Variants in TNPO3 observed in about 807,000 individuals in gnomAD.
TNPO3 encodes the protein transportin 3.
In TNPO3, 65 loss-of-function variants were observed where a neutral mutation model predicts 122.8. The ratio of observed to expected loss-of-function variants is 0.53; its 90% CI spans 0.43 to 0.65. The LOEUF is 0.65. TNPO3 is among the 30% of genes least tolerant of loss of function. The pLI is 0.00. For missense variants in TNPO3, 850 were observed against 1,136.7 expected, an observed-to-expected ratio of 0.75 and a Z score of 3.63; for synonymous variants, 372 against 411.2, an observed-to-expected ratio of 0.90 and a Z score of 1.15.
Position 128,955,087 on chromosome 7 carries a change from CTTTT to C in TNPO3, c.*326_*329del, listed in dbSNP as rs969795483. 4 of 326,312 alleles carry C rather than the reference CTTTT, an allele frequency of 1.2e-5. No homozygotes were observed. The highest frequency in any genetic ancestry group is 9.5e-5 in the Admixed American group (2 of 21,100). The allele number at this position is 326,312 out of a possible 1,614,324, so 20.2% of individuals were successfully genotyped here. On this transcript the variant is annotated 3_prime_UTR_variant, in exon 23 of 23. Transcript: ENST00000265388. The stretch of plus-strand genomic sequence containing the variant: ...CAGTTCTGGTTTCTGTTTAGTCTTC[CTTTT>C]TTTTCTTTTTTCTTTACTTAAAATT...
intron 18 of TNPO3, among the ~76,000 whole-genome samples, chr7:128,974,606 GT>G (rs1798867030): frequency 6.6e-6 from 1 of 152,006 alleles, no homozygotes; most frequent in Non-Finnish European, 1.5e-5. Context: ...CTAGTCAAGT[GT>G]TTTGCCAGGC....
intron 16 of TNPO3, among the ~76,000 whole-genome samples, chr7:128,977,910 C>T (rs1799239686): frequency 1.3e-5 from 2 of 152,168 alleles, no homozygotes; most frequent in Admixed American, 1.3e-4. Flanking sequence ...GGAACTCATT[C>T]TTAAGGCCAG....
intron 1 of TNPO3, among the ~76,000 whole-genome samples, chr7:129,031,228 G>T (rs1007130827): frequency 6.6e-6 from 1 of 151,896 alleles, no homozygotes; most frequent in Non-Finnish European, 1.5e-5. Flanking sequence ...GAACCCGGGA[G>T]GCAGAGGTTG....
At chr7:129,000,399 A>AT in intron 7 of TNPO3, 30 bp downstream of exon 7, 1 of 1,564,842 alleles carries the variant, frequency 6.4e-7, no homozygotes, top group Non-Finnish European at 8.7e-7. Flanking sequence ...AACTTGGAGA[A>AT]TAATGGCCTT....
chr7:129,037,959 C>T (rs1011329415), intron 1 of TNPO3, among the ~76,000 whole-genome samples: 3 of 152,010 alleles, frequency 2.0e-5, no homozygotes, highest in Admixed American at 2.0e-4. Context: ...TCACTGAGGC[C>T]GCCCTACCAG....
intron 2 of TNPO3, among the ~76,000 whole-genome samples, chr7:129,017,475 A>G (rs563839670): frequency 2.6e-5 from 4 of 152,234 alleles, no homozygotes; most frequent in South Asian, 2.1e-4. Flanking sequence ...TTCTCTTTGC[A>G]TTTGTCATCT....
At chr7:128,958,311 T>G (rs1483806836) in intron 21 of TNPO3, among the ~76,000 whole-genome samples, 1 of 151,976 alleles carries the variant, frequency 6.6e-6, no homozygotes, top group African/African-American at 2.4e-5. Flanking sequence ...GCCCGACTAT[T>G]TTTTTGTATT....
rs536771274 is a variant in TNPO3 at position 129,032,943 on chromosome 7, C to T, written c.121-14786G>A. ...AGGTCTCATACTTCTAATTTCAACACTTATTACAAAGCCATAGTAATCAAA... is the reference window on the plus strand; with the variant it reads ...AGGTCTCATACTTCTAATTTCAACATTTATTACAAAGCCATAGTAATCAAA... On this transcript the variant is annotated intron_variant, in intron 1 of 22. Coordinates refer to ENST00000265388, the MANE Select transcript of TNPO3 (RefSeq NM_012470.4). Among the ~76,000 whole-genome samples, 196 of 152,214 alleles carry T rather than the reference C, an allele frequency of 1.3e-3. 1 individual carries two copies. Among genetic ancestry groups the T allele is most frequent in the African/African-American group, 4.4e-3 (182 of 41,536 alleles).
chr7:128,980,410 C>T (rs1228774543), intron 14 of TNPO3, among the ~76,000 whole-genome samples: 1 of 152,186 alleles, frequency 6.6e-6, no homozygotes, highest in Non-Finnish European at 1.5e-5. Context: ...GAGTTCAAGA[C>T]CAGCCTGACC....
chr7:129,039,043 A>G (rs566288945), intron 1 of TNPO3, among the ~76,000 whole-genome samples: 10 of 152,312 alleles, frequency 6.6e-5, no homozygotes, highest in African/African-American at 2.2e-4. Context: ...ATGGTCAAAA[A>G]GCATACGAAA....
chr7:129,038,480 A>G (rs1482070932), intron 1 of TNPO3, among the ~76,000 whole-genome samples: 1 of 152,208 alleles, frequency 6.6e-6, no homozygotes, highest in East Asian at 1.9e-4. Flanking sequence ...CCATTACTGG[A>G]TGTATACCCA....
intron 1 of TNPO3, among the ~76,000 whole-genome samples, chr7:129,054,136 G>A (rs111819022): frequency 8.5e-5 from 13 of 152,188 alleles, no homozygotes; most frequent in African/African-American, 3.1e-4. Context: ...ACTCGCATGA[G>A]TAAGAATCTA....
At position 129,054,894 on chromosome 7, in the gene TNPO3, C is replaced by T; in HGVS notation, c.-124G>A. On this transcript the variant is annotated 5_prime_UTR_variant, in exon 1 of 23. Coordinates refer to ENST00000265388, the MANE Select transcript of TNPO3 (RefSeq NM_012470.4). ...CGCTCCCTGACTGGCGCCATCTCCT[C>T]CTCTTTGGCCGTTACCAGGGCAGAA... 1 of 1,338,562 alleles carries T rather than the reference C, an allele frequency of 7.5e-7. No homozygotes were observed. The allele number at this position is 1,338,562 out of a possible 1,614,324, so 82.9% of individuals were successfully genotyped here. A position where few individuals can be genotyped will look rare whatever the true frequency, so the allele number is the denominator to read the frequency against.
chr7:128,990,336 A>G, intron 10 of TNPO3: 2 of 616,860 alleles, frequency 3.2e-6, no homozygotes, highest in Admixed American at 2.8e-5. Context: ...TCTGAATGCC[A>G]GTAAAGTGCC....
At chr7:129,041,495 G>C in intron 1 of TNPO3, 1 of 952,922 alleles carries the variant, frequency 1.0e-6, no homozygotes, top group Non-Finnish European at 1.2e-6. Flanking sequence ...AAAAAAGGAA[G>C]GGAAGGAAGA....
chr7:129,019,310 C>G (rs977012893), intron 1 of TNPO3, among the ~76,000 whole-genome samples: 4 of 152,068 alleles, frequency 2.6e-5, no homozygotes, highest in African/African-American at 4.8e-5. Context: ...CAATAATGGA[C>G]TGAAAAAAAT....
chr7:128,984,337 A>T, intron 12 of TNPO3, 78 bp from the exon 13 acceptor site: 1 of 969,090 alleles, frequency 1.0e-6, no homozygotes, highest in East Asian at 2.5e-5. Flanking sequence ...CATGTGAGTG[A>T]CCAGAAAAAG....
intron 7 of TNPO3, among the ~76,000 whole-genome samples, chr7:128,999,001 G>A (rs769017746): frequency 5.2e-4 from 79 of 152,000 alleles, no homozygotes; most frequent in Non-Finnish European, 3.5e-4. Context: ...TTACAGGTGC[G>A]CACCATCACC....
intron 12 of TNPO3, among the ~76,000 whole-genome samples, chr7:128,986,490 C>T (rs1417543321): frequency 5.3e-5 from 8 of 152,186 alleles, no homozygotes; most frequent in African/African-American, 2.4e-5. Context: ...AAATCTAGGT[C>T]GGTGCTATAT....
Sources: gnomAD v4.1 joint callset for allele counts (sites outside exome capture counted in the v4.1 genomes callset) on GRCh38, gnomAD v4.1.1 for gene constraint, MANE v1.5 for transcripts, NCBI Gene and HGNC (gene_info 2026-07-23, HGNC 2026-07-21) for gene names.